Variants in CSMD1 observed in about 807,000 individuals in gnomAD.
The protein encoded by CSMD1 is CUB and sushi domain-containing protein 1.
A neutral mutation model predicts 417.5 loss-of-function variants in CSMD1; 213 were observed. The ratio of observed to expected loss-of-function variants is 0.51; its 90% CI spans 0.46 to 0.57. The LOEUF (loss-of-function observed/expected upper bound fraction) is 0.57, where lower values mean the gene tolerates loss of function less well. CSMD1 is among the 20% of genes least tolerant of loss of function. The pLI, the probability that CSMD1 is intolerant of heterozygous loss-of-function variation, is 0.00. For missense variants in CSMD1, 6,923 were observed against 4,529.7 expected (o/e 1.53, Z -15.17); for synonymous variants, 2,862 against 1,736.8 (o/e 1.65, Z -16.11).
Position 4,103,927 on chromosome 8 carries a change from G to A in CSMD1, c.416-71828C>T, listed in dbSNP as rs1340926938. 2.0e-5 allele frequency among the ~76,000 whole-genome samples: 3 copies of A among 152,290 alleles called. No individual in the cohort carries two copies. The South Asian group carries it at 6.2e-4, about 32-fold the overall frequency. On this transcript the variant is annotated intron_variant, in intron 3 of 69. Coordinates refer to ENST00000635120, the MANE Select transcript of CSMD1 (RefSeq NM_033225.6). ...CCCAAGGCCAAACAGCTTTGTGCCT[G>A]TGTTGCAACATTCACTCCTCAAACC...
At chr8:2,951,827 C>G (rs1455199002) in intron 65 of CSMD1, among the ~76,000 whole-genome samples, 1 of 152,018 alleles carries the variant, frequency 6.6e-6, no homozygotes, top group African/African-American at 2.4e-5. Flanking sequence ...AAGTAGAGTC[C>G]CTCTCTGTCA....
chr8:3,534,633 A>G (rs1006426516), intron 10 of CSMD1, among the ~76,000 whole-genome samples: 6 of 152,242 alleles, frequency 3.9e-5, no homozygotes, highest in Admixed American at 1.3e-4. Flanking sequence ...GTCAGTTGGT[A>G]TCTTGGGAAT....
chr8:4,486,015 TA>T (rs1184860605), intron 2 of CSMD1, among the ~76,000 whole-genome samples: 3 of 151,606 alleles, frequency 2.0e-5, no homozygotes, highest in African/African-American at 7.3e-5. Flanking sequence ...TAATAGCAAT[TA>T]TTTTTTTCTA....
chr8:3,456,684 C>A (rs767665346), intron 12 of CSMD1, among the ~76,000 whole-genome samples: 2 of 152,160 alleles, frequency 1.3e-5, no homozygotes, highest in Non-Finnish European at 2.9e-5. Flanking sequence ...GCTTGCTAAT[C>A]ATTCCAGGAA....
intron 8 of CSMD1, among the ~76,000 whole-genome samples, chr8:3,590,129 A>G (rs976638728): frequency 1.3e-5 from 2 of 152,158 alleles, no homozygotes; most frequent in African/African-American, 4.8e-5. Flanking sequence ...ATATAGAAAA[A>G]GAAAAAAGGA....
intron 2 of CSMD1, among the ~76,000 whole-genome samples, chr8:4,546,151 T>G (rs1231264721): frequency 6.6e-6 from 1 of 152,204 alleles, no homozygotes; most frequent in Non-Finnish European, 1.5e-5. Context: ...AGAATCAAAA[T>G]CCAATGAACA....
Position 4,032,006 on chromosome 8 carries a change from C to G in CSMD1, c.509G>C (p.Ser170Thr), listed in dbSNP as rs761839078. Residue 170 changes from serine to threonine, a missense_variant, in exon 4 of 70, where the codon AGC becomes ACC. Transcript: ENST00000635120. ...RFNIGDKIRY[S>T]CLPGYILEGH... ...TTCCAAGATGTAGCCAGGGAGGCAG[C>G]TGTACCGGATTTTGTCTCCTATGTT... The G allele has an allele frequency of 2.5e-6, 4 of 1,613,910 alleles. No homozygotes were observed. The highest frequency in any genetic ancestry group is 1.7e-5 in the Admixed American group (1 of 60,016).
At chr8:3,668,466 T>C (rs779155679) in intron 7 of CSMD1, among the ~76,000 whole-genome samples, 3 of 152,056 alleles carry the variant, frequency 2.0e-5, no homozygotes, top group African/African-American at 7.2e-5. Flanking sequence ...GGAGAGATGA[T>C]AGAGTTTGGG....
intron 5 of CSMD1, among the ~76,000 whole-genome samples, chr8:3,871,773 T>G (rs1188534579): frequency 6.6e-6 from 1 of 152,178 alleles, no homozygotes; most frequent in Non-Finnish European, 1.5e-5. Flanking sequence ...GTGGATGACA[T>G]AAAGATTAAA....
At chr8:3,499,538 G>A (rs1270387700) in intron 10 of CSMD1, among the ~76,000 whole-genome samples, 3 of 152,106 alleles carry the variant, frequency 2.0e-5, no homozygotes, top group Non-Finnish European at 4.4e-5. Context: ...GTACCCAAAA[G>A]GCCAGTCCTT....
intron 8 of CSMD1, among the ~76,000 whole-genome samples, chr8:3,609,729 A>T (rs550105750): frequency 1.3e-5 from 1 of 79,818 alleles, no homozygotes; most frequent in African/African-American, 4.1e-5. Flanking sequence ...AGTTTTGATT[A>T]TAAGAATTTA....
At chr8:4,076,587 C>T (rs1413388329) in intron 3 of CSMD1, among the ~76,000 whole-genome samples, 1 of 152,170 alleles carries the variant, frequency 6.6e-6, no homozygotes, top group Non-Finnish European at 1.5e-5. Context: ...ATTAAGGATT[C>T]ATGTCCTAAA....
Position 4,864,486 on chromosome 8 carries a change from A to G in CSMD1, c.85+129846T>C, listed in dbSNP as rs138662229. On this transcript the variant is annotated intron_variant, in intron 1 of 69. Transcript: ENST00000635120. ...ACAAAAATCATTGCTCAGAAACCCTATAACATTGTTTGATTTCTATTTAGT... is the reference window on the plus strand; with the variant it reads ...ACAAAAATCATTGCTCAGAAACCCTGTAACATTGTTTGATTTCTATTTAGT... Among the ~76,000 whole-genome samples, 404 of 151,962 alleles carry G rather than the reference A, an allele frequency of 2.7e-3. 5 individuals are homozygous for G. The highest frequency in any genetic ancestry group is 8.7e-3 in the African/African-American group (361 of 41,486).
At chr8:3,622,206 G>C (rs1239233491) in intron 7 of CSMD1, among the ~76,000 whole-genome samples, 1 of 152,140 alleles carries the variant, frequency 6.6e-6, no homozygotes, top group Non-Finnish European at 1.5e-5. Flanking sequence ...AATGCAGATT[G>C]TTACTTCTGC....
chr8:4,283,205 A>G (rs1435992114), intron 3 of CSMD1, among the ~76,000 whole-genome samples: 1 of 152,196 alleles, frequency 6.6e-6, no homozygotes, highest in Non-Finnish European at 1.5e-5. Context: ...ATATATGAAT[A>G]TGATTTTTCT....
chr8:3,572,409 A>G (rs1204865223), intron 10 of CSMD1, among the ~76,000 whole-genome samples: 2 of 152,172 alleles, frequency 1.3e-5, no homozygotes, highest in East Asian at 3.9e-4. Context: ...CATCACAGGC[A>G]GCAGACGCAG....
intron 10 of CSMD1, among the ~76,000 whole-genome samples, chr8:3,562,534 T>A (rs1206535741): frequency 4.6e-5 from 7 of 152,158 alleles, no homozygotes; most frequent in African/African-American, 1.4e-4. Context: ...TTTAGCCTGC[T>A]TGGCAAAATC....
At chr8:4,076,584 A>T (rs1799832949) in intron 3 of CSMD1, among the ~76,000 whole-genome samples, 1 of 152,208 alleles carries the variant, frequency 6.6e-6, no homozygotes, top group African/African-American at 2.4e-5. Flanking sequence ...TATATTAAGG[A>T]TTCATGTCCT....
Position 2,999,885 on chromosome 8 carries a change from T to C in CSMD1, c.8203+73A>G, listed in dbSNP as rs80248212. ...ACAGTGAAGATTAAACAGGTGTATA[T>C]TGTGACCTAATAACAAAAGACAATG... On this transcript the variant is annotated intron_variant, in intron 53 of 69. Coordinates refer to ENST00000635120, the MANE Select transcript of CSMD1 (RefSeq NM_033225.6). 2.9e-3 allele frequency: 4,029 copies of C among 1,371,190 alleles called. 98 individuals are homozygous for C. In the African/African-American group the frequency reaches 0.049, roughly 17 times the overall value. 84.9% of individuals were successfully genotyped at this position (1,371,190 alleles called of 1,614,324 possible). A position where few individuals can be genotyped will look rare whatever the true frequency, so the allele number is the denominator to read the frequency against.
Sources: gnomAD v4.1 joint callset for allele counts (sites outside exome capture counted in the v4.1 genomes callset) on GRCh38, gnomAD v4.1.1 for gene constraint, MANE v1.5 for transcripts, NCBI Gene and HGNC (gene_info 2026-07-23, HGNC 2026-07-21) for gene names.